The following CENATAC variants were observed in gnomAD, a reference collection of about 807,000 sequenced individuals.
CENATAC encodes centrosomal AT-AC splicing factor.
A neutral mutation model predicts 53.7 loss-of-function variants in CENATAC; 53 were observed. That is an observed-to-expected ratio of 0.99 (90% CI 0.79 to 1.24). CENATAC has a LOEUF of 1.24. CENATAC is among the 50% of genes most tolerant of loss of function. The pLI, the probability that CENATAC is intolerant of heterozygous loss-of-function variation, is 0.00. For missense variants in CENATAC, 474 were observed against 417.8 expected (o/e 1.13, Z -1.17); for synonymous variants, 156 against 144.6 (o/e 1.08, Z -0.57).
In CENATAC at chr11:119,015,540, ATCAAT is replaced by A. The variant is rs781868957; in HGVS notation, c.946_950del (p.Phe316AsnfsTer2). 31 of 1,614,070 alleles carry A rather than the reference ATCAAT, an allele frequency of 1.9e-5. No individual in the cohort carries two copies. The highest frequency in any genetic ancestry group is 5.0e-5 in the Admixed American group (3 of 60,010). On this transcript the variant is annotated frameshift_variant, in exon 11 of 11. Transcript: ENST00000334418. LOFTEE classifies it high-confidence loss of function. ...GTTAACCCTTTATTTCCTTTCAGAC[ATCAAT>A]TCAAAACTGAAGCTGCAGCAATGAA...
chr11:119,001,668 T>C, intron 3 of CENATAC: 2 of 456,260 alleles, frequency 4.4e-6, no homozygotes, highest in Non-Finnish European at 8.8e-6. Flanking sequence ...CAAAAAAATT[T>C]TCAAGTGAAC....
intron 3 of CENATAC, among the ~76,000 whole-genome samples, chr11:119,000,617 G>A (rs1333205016): frequency 6.6e-6 from 1 of 151,980 alleles, no homozygotes; most frequent in Admixed American, 6.6e-5. Context: ...TTAGCTGGGT[G>A]TGGTGGTGGG....
chr11:119,014,885 T>C (rs1943075053), intron 8 of CENATAC, 109 bp from the exon 9 acceptor site: 1 of 711,720 alleles, frequency 1.4e-6, no homozygotes, highest in African/African-American at 1.8e-5. Flanking sequence ...GGCTTTGCTT[T>C]TAGACATTTC....
At position 119,011,208 on chromosome 11, in the gene CENATAC, C is replaced by T. The variant is rs782285542; in HGVS notation, c.451-13C>T. On this transcript the variant is annotated splice_polypyrimidine_tract_variant and intron_variant, in intron 4 of 10. Transcript: ENST00000334418. Reference sequence around the variant, plus strand: ...ATGATCCTGTACCTGTCTAAGCAGCCTCTCTCCCACAGATGGCAGCTCAGA... The same window carrying T: ...ATGATCCTGTACCTGTCTAAGCAGCTTCTCTCCCACAGATGGCAGCTCAGA... 2.5e-6 allele frequency: 4 copies of T among 1,612,906 alleles called. No homozygotes were observed. In the African/African-American group the frequency reaches 4.0e-5, roughly 16 times the overall value.
intron 3 of CENATAC, among the ~76,000 whole-genome samples, chr11:119,008,702 C>G (rs534165354): frequency 1.3e-5 from 2 of 149,732 alleles, no homozygotes; most frequent in East Asian, 3.9e-4. Flanking sequence ...GGCTGGGAGA[C>G]AGTCAGGTCT....
chr11:119,003,105 G>A (rs868118209), intron 3 of CENATAC: 12 of 529,664 alleles, frequency 2.3e-5, no homozygotes, highest in Middle Eastern at 6.3e-4. Context: ...GAATCAGGGT[G>A]TTGACCTTGG....
intron 3 of CENATAC, chr11:119,003,538 T>G: frequency 2.9e-6 from 1 of 346,932 alleles, no homozygotes; most frequent in Non-Finnish European, 5.6e-6. Context: ...CCTCAAATGA[T>G]CTACCCACCT....
At chr11:118,999,396 T>G in intron 3 of CENATAC, 2 of 288,892 alleles carry the variant, frequency 6.9e-6, no homozygotes, top group Admixed American at 4.5e-5. Flanking sequence ...AGAGGCTGTT[T>G]ATAGTTTGTA....
In CENATAC at chr11:118,998,322, G is replaced by T; in HGVS notation, c.120+5G>T. On this transcript the variant is annotated splice_donor_5th_base_variant and intron_variant, in intron 1 of 10. Coordinates refer to ENST00000334418, the MANE Select transcript of CENATAC (RefSeq NM_198489.3). ...TTGGAGAGGCTCCTGCCCCAGGTGC[G>T]GAGGCAAGGCTAGAGATGGGATGGG... 6.2e-7 allele frequency: 1 copy of T among 1,610,500 alleles called. No individual in the cohort carries two copies. The highest frequency in any genetic ancestry group is 8.5e-7 in the Non-Finnish European group (1 of 1,178,432).
At chr11:119,012,599 C>G (rs1942922233) in intron 7 of CENATAC, 1 of 215,392 alleles carries the variant, frequency 4.6e-6, no homozygotes, top group African/African-American at 2.3e-5. Context: ...TTTCCATCTC[C>G]CATATCCTGT....
rs1372901471 is a variant in CENATAC at position 119,015,710 on chromosome 11, CATTT to C, written c.*113_*116del. ...TTCTTAGGAAACAGACATACTCATT[CATTT>C]GATTTAATAAAGTTTTATTTTTCCA... On this transcript the variant is annotated 3_prime_UTR_variant, in exon 11 of 11. Transcript: ENST00000334418. 2.6e-5 allele frequency: 34 copies of C among 1,298,262 alleles called. 1 individual carries two copies. The highest frequency in any genetic ancestry group is 4.0e-5 in the Admixed American group (2 of 50,200). 80.4% of individuals were successfully genotyped at this position (1,298,262 alleles called of 1,614,324 possible).
At chr11:119,012,501 C>A in intron 7 of CENATAC, 1 of 401,408 alleles carries the variant, frequency 2.5e-6, no homozygotes. Flanking sequence ...AGTTCCAACT[C>A]AACACAGGAC....
At chr11:119,011,536 G>A (rs1289548644) in intron 5 of CENATAC, among the ~76,000 whole-genome samples, 2 of 152,056 alleles carry the variant, frequency 1.3e-5, no homozygotes, top group African/African-American at 4.8e-5. Context: ...CCGCCACCAC[G>A]CCTGGCTAAT....
intron 3 of CENATAC, 103 bp downstream of exon 3, chr11:118,999,212 C>A: frequency 1.2e-6 from 1 of 808,402 alleles, no homozygotes; most frequent in Admixed American, 2.3e-5. Context: ...GAGGGACTTA[C>A]GAAGAATCTG....
In CENATAC at chr11:118,998,568, G is replaced by C. The variant is rs782050456; in HGVS notation, c.259G>C (p.Gly87Arg). 14 of 1,574,206 alleles carry C rather than the reference G, an allele frequency of 8.9e-6. No homozygotes were observed. Among genetic ancestry groups the C allele is most frequent in the East Asian group, 2.3e-5 (1 of 42,736 alleles). The stretch of plus-strand genomic sequence containing the variant: ...CCATGGAAACCTGACGGTGCTGTAC[G>C]GGGGGCTGCTGGAGCATCTGGCCAG... ...LSHGNLTVLYGGLLEHLASPE... is the reference protein window; with the variant it reads ...LSHGNLTVLYRGLLEHLASPE... The change falls in exon 2 of 11, where the codon GGG becomes CGG. Residue 87 changes from glycine to arginine, a missense_variant. By Grantham distance (125) the Gly-to-Arg change is moderately radical. Transcript: ENST00000334418.
chr11:119,001,455 G>A (rs1380724864), intron 3 of CENATAC, among the ~76,000 whole-genome samples: 7 of 151,726 alleles, frequency 4.6e-5, no homozygotes, highest in African/African-American at 1.2e-4. Flanking sequence ...ACAGTGGTGC[G>A]ATCTCGGCTC....
chr11:119,000,708 G>C (rs1942249488), intron 3 of CENATAC, among the ~76,000 whole-genome samples: 1 of 151,796 alleles, frequency 6.6e-6, no homozygotes, highest in Non-Finnish European at 1.5e-5. Context: ...AGTGAGCCGA[G>C]ATCGCACCAC....
At position 119,015,430 on chromosome 11, in the gene CENATAC, G is replaced by A. The variant is rs1164892799; in HGVS notation, c.929G>A (p.Trp310Ter). ...FGRVWNNGRR[W>*]QSRHQFKTEA... is the part of the protein sequence containing the mutation. ...CGCGTCTGGAATAATGGACGCCGCT[G>A]GCAGTCCAGGTATGTGTGTTCAGTG... is the stretch of plus-strand genomic sequence containing the variant. The change falls in exon 10 of 11, where the codon TGG (tryptophan) becomes TAG (stop). Residue 310 changes from tryptophan (W) to a stop codon, truncating the protein, a stop_gained. Transcript: ENST00000334418. LOFTEE classifies it high-confidence loss of function. The A allele has an allele frequency of 3.7e-6, 6 of 1,614,006 alleles. No homozygotes were observed. The African/African-American group carries it at 6.7e-5, about 18-fold the overall frequency.
intron 3 of CENATAC, chr11:119,003,621 C>CTTTTT (rs138779092): frequency 7.0e-4 from 90 of 128,982 alleles, no homozygotes; most frequent in South Asian, 2.9e-3. Context: ...ATTTCTCTCT[C>CTTTTT]TTTTTTTTTT....
Sources: allele counts gnomAD v4.1 joint callset (sites outside exome capture counted in the v4.1 genomes callset), GRCh38; gene constraint gnomAD v4.1.1; transcripts MANE v1.5; gene names NCBI Gene and HGNC (gene_info 2026-07-23, HGNC 2026-07-21).